Variants in ME3 observed in about 807,000 individuals in gnomAD.
ME3 encodes the protein NADP-dependent malic enzyme, mitochondrial.
A neutral mutation model predicts 68.9 loss-of-function variants in ME3; 48 were observed. The observed-to-expected ratio is 0.70, with a 90% CI of 0.55 to 0.89. The LOEUF (loss-of-function observed/expected upper bound fraction) is 0.89. Ranked by LOEUF, ME3 falls within the 40% of genes least tolerant of loss-of-function variation. The pLI is 0.00. For missense variants in ME3, 675 were observed against 797.4 expected, an observed-to-expected ratio of 0.85 and a Z score of 1.85; for synonymous variants, 320 against 318.8, an observed-to-expected ratio of 1.00 and a Z score of -0.04.
intron 2 of ME3, among the ~76,000 whole-genome samples, chr11:86,663,279 G>T (rs1946395318): frequency 6.6e-6 from 1 of 152,152 alleles, no homozygotes; most frequent in African/African-American, 2.4e-5. Flanking sequence ...CTCAAAAGCT[G>T]TGGATCTTTC....
At chr11:86,665,229 T>TA (rs1946518571) in intron 2 of ME3, among the ~76,000 whole-genome samples, 2 of 152,156 alleles carry the variant, frequency 1.3e-5, no homozygotes. Flanking sequence ...GCAATAGACA[T>TA]ACTAAGTAAG....
intron 14 of ME3, among the ~76,000 whole-genome samples, chr11:86,442,194 T>A (rs146397422): frequency 5.3e-5 from 8 of 152,358 alleles, no homozygotes; most frequent in Admixed American, 2.0e-4. Context: ...TTCTGATTCT[T>A]TGAAAACCCA....
rs188542347 is a variant in ME3, at chr11:86,598,339, G to A, written c.184-38516C>T. Among the ~76,000 whole-genome samples the A allele has an allele frequency of 6.7e-4, 102 of 152,294 alleles. 1 individual carries two copies. Among genetic ancestry groups the A allele is most frequent in the Middle Eastern group, 3.4e-3 (1 of 294 alleles). Reference sequence around the variant, plus strand: ...GAGGGTCCTACGCCCACGGAGTCTCGCTCATTGCTAGCACAGCAGTCTAAG... The same window carrying A: ...GAGGGTCCTACGCCCACGGAGTCTCACTCATTGCTAGCACAGCAGTCTAAG... On this transcript the variant is annotated intron_variant, in intron 2 of 14. Coordinates refer to ENST00000543262, the Ensembl canonical transcript of ME3.
chr11:86,497,053 C>A (rs613418), intron 6 of ME3, among the ~76,000 whole-genome samples: 4 of 151,052 alleles, frequency 2.6e-5, no homozygotes, highest in African/African-American at 7.3e-5. Context: ...GTGATCTCGG[C>A]TCACTGCAAC....
At chr11:86,533,124 C>T (rs114823622) in intron 4 of ME3, among the ~76,000 whole-genome samples, 2,579 of 149,706 alleles carry the variant, frequency 0.017, 79 homozygotes, top group African/African-American at 0.056. Flanking sequence ...AAAAACTGAG[C>T]CCAAAGTTAG....
chr11:86,475,872 T>TAGAG (rs1317802075), intron 7 of ME3, among the ~76,000 whole-genome samples: 3,264 of 103,236 alleles, frequency 0.032, 39 homozygotes, highest in Non-Finnish European at 0.038. Flanking sequence ...TATATATATA[T>TAGAG]ATAGAGAGAG....
chr11:86,479,805 G>C (rs1951285707), intron 7 of ME3, among the ~76,000 whole-genome samples: 1 of 101,712 alleles, frequency 9.8e-6, no homozygotes, highest in South Asian at 3.4e-4. Flanking sequence ...AGACACAGCT[G>C]ATGTCTTTTT....
At chr11:86,536,974 A>G (rs551877059) in intron 4 of ME3, among the ~76,000 whole-genome samples, 66 of 152,066 alleles carry the variant, frequency 4.3e-4, no homozygotes, top group South Asian at 1.3e-3. Context: ...TGATGAGTTC[A>G]TGTCCTTTGT....
Position 86,535,085 on chromosome 11 carries a change from AT to A in ME3, c.467+21467del, listed in dbSNP as rs541103282. 3.2e-3 allele frequency among the ~76,000 whole-genome samples: 486 copies of A among 152,232 alleles called. 6 individuals carry two copies. The highest frequency in any genetic ancestry group is 0.011 in the African/African-American group (473 of 41,528). On this transcript the variant is annotated intron_variant, in intron 4 of 14. Transcript: ENST00000543262. ...CCCTCTCAGTTCAATAATCAAAATC[AT>A]TTACCTATTTATCTTAATTATTTTA...
In ME3 at chr11:86,660,119, C is replaced by G. The variant is rs115201649; in HGVS notation, c.183+11643G>C. On this transcript the variant is annotated intron_variant, in intron 2 of 14. Coordinates refer to ENST00000543262, the Ensembl canonical transcript of ME3. ...AATGTCTAGATTATCCAGGCTTAAGCTCTATCCAGTACTGGGAAATCATCA... is the reference window on the plus strand; with the variant it reads ...AATGTCTAGATTATCCAGGCTTAAGGTCTATCCAGTACTGGGAAATCATCA... Among the ~76,000 whole-genome samples the G allele has an allele frequency of 9.2e-3, 1,399 of 152,310 alleles. 21 individuals carry two copies. Among genetic ancestry groups the G allele is most frequent in the African/African-American group, 0.032 (1,343 of 41,562 alleles).
chr11:86,664,228 T>C (rs1946456751), intron 2 of ME3, among the ~76,000 whole-genome samples: 1 of 152,104 alleles, frequency 6.6e-6, no homozygotes, highest in South Asian at 2.1e-4. Flanking sequence ...AAAGAGGAAA[T>C]AAATCTCCCA....
At chr11:86,590,234 CG>C (rs1958981158) in intron 2 of ME3, among the ~76,000 whole-genome samples, 1 of 152,182 alleles carries the variant, frequency 6.6e-6, no homozygotes, top group African/African-American at 2.4e-5. Context: ...TATCTACTTA[CG>C]TTGCACCTAT....
intron 2 of ME3, among the ~76,000 whole-genome samples, chr11:86,584,819 A>G (rs1166232700): frequency 6.6e-6 from 1 of 152,194 alleles, no homozygotes; most frequent in Non-Finnish European, 1.5e-5. Context: ...TTTCTAATCA[A>G]TGGGTATACG....
At chr11:86,572,151 T>C (rs1255502367) in intron 2 of ME3, among the ~76,000 whole-genome samples, 1 of 152,170 alleles carries the variant, frequency 6.6e-6, no homozygotes, top group Non-Finnish European at 1.5e-5. Flanking sequence ...TGGAAACAAC[T>C]AGCACGTCTC....
At chr11:86,637,492 A>G (rs1944409109) in intron 2 of ME3, among the ~76,000 whole-genome samples, 1 of 152,212 alleles carries the variant, frequency 6.6e-6, no homozygotes. Flanking sequence ...TGTTAGAGCC[A>G]GCAGGGCTAA....
At chr11:86,657,591 C>G (rs1160110648) in intron 2 of ME3, among the ~76,000 whole-genome samples, 4 of 152,106 alleles carry the variant, frequency 2.6e-5, no homozygotes, top group Non-Finnish European at 5.9e-5. Context: ...GCACATTCTG[C>G]ACGTGTATCC....
intron 4 of ME3, among the ~76,000 whole-genome samples, chr11:86,509,216 C>T (rs538879244): frequency 3.3e-5 from 5 of 151,608 alleles, no homozygotes; most frequent in Non-Finnish European, 5.9e-5. Context: ...GGCCTCTTTT[C>T]CAGGTCCCTC....
chr11:86,475,872 TATAGAGAG>T lies in ME3; in HGVS notation c.810-10680_810-10673del, dbSNP rs1397954789. Among the ~76,000 whole-genome samples the T allele has an allele frequency of 5.8e-5, 6 of 103,742 alleles. No individual in the cohort carries two copies. The East Asian group carries it at 1.2e-3, about 21-fold the overall frequency. 68.1% of individuals were successfully genotyped at this position (103,742 alleles called of 152,430 possible). A position where few individuals can be genotyped will look rare whatever the true frequency, so the allele number is the denominator to read the frequency against. ...TTCAGTATATATATATATATATATA[TATAGAGAG>T]AGAGAGAGAGAGAGAGAGAGAAAGA... On this transcript the variant is annotated intron_variant, in intron 7 of 14. Transcript: ENST00000543262.
intron 4 of ME3, among the ~76,000 whole-genome samples, chr11:86,554,595 C>T (rs1459811348): frequency 1.3e-5 from 2 of 152,142 alleles, no homozygotes; most frequent in African/African-American, 4.8e-5. Flanking sequence ...ATGCCAGGTA[C>T]CTGATCCACA....
Sources: gnomAD v4.1 joint callset for allele counts (sites outside exome capture counted in the v4.1 genomes callset) on GRCh38, gnomAD v4.1.1 for gene constraint, MANE v1.5 for transcripts, NCBI Gene and HGNC (gene_info 2026-07-23, HGNC 2026-07-21) for gene names.